Variants in DISC1 observed in about 807,000 individuals in gnomAD.
DISC1 encodes the protein DISC1 scaffold protein.
A neutral mutation model predicts 84.5 loss-of-function variants in DISC1; 57 were observed. The ratio of observed to expected loss-of-function variants is 0.67; its 90% confidence interval spans 0.55 to 0.84. DISC1 has a LOEUF of 0.84. Among genes scored for constraint, DISC1 ranks in the 40% least tolerant of loss-of-function variants. The pLI, the probability that DISC1 is intolerant of heterozygous loss-of-function variation, is 0.00. For missense variants in DISC1, 1,000 were observed against 1,057.8 expected, an observed-to-expected ratio of 0.95 and a Z score of 0.76; for synonymous variants, 411 against 415.2, an observed-to-expected ratio of 0.99 and a Z score of 0.12.
At chr1:231,667,144 A>T (rs2062097381) in intron 1 of DISC1, among the ~76,000 whole-genome samples, 1 of 152,184 alleles carries the variant, frequency 6.6e-6, no homozygotes, top group Non-Finnish European at 1.5e-5. Flanking sequence ...TAAAAGAAGG[A>T]GGAACTGGTG....
At chr1:231,628,846 A>T (rs1482581048) in intron 1 of DISC1, among the ~76,000 whole-genome samples, 1 of 152,072 alleles carries the variant, frequency 6.6e-6, no homozygotes, top group Admixed American at 6.5e-5. Context: ...GGCTCAAGAG[A>T]TCCTCCTGTT....
chr1:231,626,931 G>T lies in DISC1; in HGVS notation c.64G>T (p.Ala22Ser), dbSNP rs2058297379. The change falls in exon 1 of 13, where the codon GCA (alanine) becomes TCA (serine). Residue 22 changes from alanine (A) to serine (S), a missense_variant. Ala to Ser is a moderately conservative substitution (Grantham distance 99). Transcript: ENST00000439617. ...CGGCGGCGGCGGCGTGAGCCACCGC[G>T]CAGGTAGGGGAGCTGCCACAGAGTC... is the stretch of plus-strand genomic sequence containing the variant. The part of the protein sequence containing the change: ...AAGGGGVSHR[A>S]GSRDCLPPAA... The T allele has an allele frequency of 1.3e-6, 2 of 1,503,876 alleles. No homozygotes were observed. The highest frequency in any genetic ancestry group is 1.8e-6 in the Non-Finnish European group (2 of 1,133,644). The allele number at this position is 1,503,876 out of a possible 1,614,324, so 93.2% of individuals were successfully genotyped here.
At chr1:231,845,126 T>C (rs2125878089) in intron 9 of DISC1, among the ~76,000 whole-genome samples, 1 of 152,242 alleles carries the variant, frequency 6.6e-6, no homozygotes, top group South Asian at 2.1e-4. Flanking sequence ...CCGGAGGTTA[T>C]ATTGAGGCAT....
intron 1 of DISC1, among the ~76,000 whole-genome samples, chr1:231,667,386 C>G (rs555216955): frequency 1.4e-4 from 22 of 152,298 alleles, no homozygotes; most frequent in African/African-American, 5.1e-4. Flanking sequence ...CCTGAGCCCT[C>G]CTGTTCCTGA....
At chr1:231,727,967 TA>T (rs1005834959) in intron 3 of DISC1, among the ~76,000 whole-genome samples, 5 of 149,750 alleles carry the variant, frequency 3.3e-5, no homozygotes, top group African/African-American at 9.8e-5. Flanking sequence ...AAAGGAGGGG[TA>T]GGGGGGTGGT....
At chr1:231,649,895 T>C (rs2060472222) in intron 1 of DISC1, among the ~76,000 whole-genome samples, 1 of 152,194 alleles carries the variant, frequency 6.6e-6, no homozygotes. Flanking sequence ...CTTTTTTCTT[T>C]TTTGCTTTCC....
At chr1:231,961,307 C>A (rs143010899) in intron 10 of DISC1, among the ~76,000 whole-genome samples, 1 of 152,316 alleles carries the variant, frequency 6.6e-6, no homozygotes, top group East Asian at 1.9e-4. Context: ...TGGGACAGGA[C>A]TCCTTCTGAA....
At chr1:231,740,815 T>G (rs1188931673) in intron 3 of DISC1, among the ~76,000 whole-genome samples, 2 of 152,182 alleles carry the variant, frequency 1.3e-5, no homozygotes, top group African/African-American at 4.8e-5. Context: ...ATTTTGCACA[T>G]GAAACAAAAT....
At chr1:231,679,834 C>T (rs187959330) in intron 1 of DISC1, among the ~76,000 whole-genome samples, 2 of 152,354 alleles carry the variant, frequency 1.3e-5, no homozygotes, top group East Asian at 1.9e-4. Flanking sequence ...CAAAGGTTAA[C>T]TTCAGTCCAG....
At chr1:231,857,792 A>G (rs1574288552) in intron 9 of DISC1, among the ~76,000 whole-genome samples, 1 of 152,358 alleles carries the variant, frequency 6.6e-6, no homozygotes, top group East Asian at 1.9e-4. Context: ...AAGAATGTGG[A>G]CCGGCTACCC....
chr1:231,916,393 A>G (rs1224211377), intron 9 of DISC1, among the ~76,000 whole-genome samples: 2 of 152,158 alleles, frequency 1.3e-5, no homozygotes, highest in Admixed American at 6.5e-5. Context: ...AGTTCCGAAG[A>G]GCTGTAATCC....
chr1:231,634,576 T>A lies in DISC1; in HGVS notation c.67+7642T>A, dbSNP rs141752229. Reference sequence around the variant, plus strand: ...TCTGTATTCAATTTAAACAGTAGATTTGGGGGCCTTAAATTGCCTCGACTC... The same window carrying A: ...TCTGTATTCAATTTAAACAGTAGATATGGGGGCCTTAAATTGCCTCGACTC... On this transcript the variant is annotated intron_variant, in intron 1 of 12. Coordinates refer to ENST00000439617, the MANE Select transcript of DISC1 (RefSeq NM_018662.3). Among the ~76,000 whole-genome samples the A allele has an allele frequency of 8.5e-4, 129 of 152,338 alleles. 1 individual carries two copies. Among genetic ancestry groups the A allele is most frequent in the African/African-American group, 2.8e-3 (116 of 41,584 alleles).
intron 3 of DISC1, among the ~76,000 whole-genome samples, chr1:231,733,669 G>A (rs2071987721): frequency 6.6e-6 from 1 of 151,220 alleles, no homozygotes; most frequent in African/African-American, 2.4e-5. Context: ...GGTGGTAGTG[G>A]TAGTGGTGGG....
At chr1:231,983,239 C>T (rs1663873097) in intron 10 of DISC1, among the ~76,000 whole-genome samples, 1 of 151,832 alleles carries the variant, frequency 6.6e-6, no homozygotes, top group Non-Finnish European at 1.5e-5. Flanking sequence ...GTTGTTTCAC[C>T]AGTGGCAATC....
At chr1:231,922,715 G>A (rs972065912) in intron 9 of DISC1, among the ~76,000 whole-genome samples, 21 of 151,958 alleles carry the variant, frequency 1.4e-4, no homozygotes, top group Non-Finnish European at 2.8e-4. Flanking sequence ...AGGGGGACAC[G>A]TCCTGGTGAG....
intron 9 of DISC1, among the ~76,000 whole-genome samples, chr1:231,819,993 A>C (rs1172659718): frequency 6.6e-6 from 1 of 152,228 alleles, no homozygotes; most frequent in Non-Finnish European, 1.5e-5. Flanking sequence ...CACTTCACTA[A>C]GTATTTTCAC....
At chr1:231,646,471 G>A (rs1016223839) in intron 1 of DISC1, among the ~76,000 whole-genome samples, 1 of 152,098 alleles carries the variant, frequency 6.6e-6, no homozygotes, top group East Asian at 1.9e-4. Flanking sequence ...ACATAAGCGT[G>A]CATGTGTCTT....
chr1:231,859,569 T>G (rs112913471), intron 9 of DISC1, among the ~76,000 whole-genome samples: 2 of 152,070 alleles, frequency 1.3e-5, no homozygotes, highest in South Asian at 2.1e-4. Flanking sequence ...ACCATCACTT[T>G]GGGGTTAGGA....
At chr1:231,708,421 T>C (rs903495170) in intron 3 of DISC1, among the ~76,000 whole-genome samples, 4 of 152,242 alleles carry the variant, frequency 2.6e-5, no homozygotes, top group African/African-American at 9.6e-5. Flanking sequence ...TGCGTATACA[T>C]AACAATGTTG....
Sources: allele counts gnomAD v4.1 joint callset (sites outside exome capture counted in the v4.1 genomes callset), GRCh38; gene constraint gnomAD v4.1.1; transcripts MANE v1.5; gene names NCBI Gene and HGNC (gene_info 2026-07-23, HGNC 2026-07-21).